Variants in MIR17HG observed in about 807,000 individuals in gnomAD.
The protein encoded by MIR17HG is MIR17 host gene (non-protein coding).
At chr13:91,348,591 C>G (rs1024016324) in intron 1 of MIR17HG, among the ~76,000 whole-genome samples, 1 of 151,074 alleles carries the variant, frequency 6.6e-6, no homozygotes, top group Non-Finnish European at 1.5e-5. Context: ...CACCCCCGCT[C>G]CGCGTGGGCT....
exon 4 of MIR17HG, chr13:91,354,339 G>A (rs1875467647): frequency 6.6e-6 from 1 of 152,112 alleles, no homozygotes; most frequent in Non-Finnish European, 1.5e-5. Context: ...GGGTCATTAG[G>A]AAAATGCACA....
intron 3 of MIR17HG, chr13:91,351,181 C>T (rs377119994): frequency 1.9e-6 from 1 of 526,768 alleles, no homozygotes; most frequent in South Asian, 1.4e-5. Flanking sequence ...TCAAACTGTC[C>T]TGTTACTGAA....
At chr13:91,348,519 C>G (rs935561658) in intron 1 of MIR17HG, among the ~76,000 whole-genome samples, 1 of 151,378 alleles carries the variant, frequency 6.6e-6, no homozygotes, top group Admixed American at 6.6e-5. Flanking sequence ...GCCCGCGGTT[C>G]CCCAAACTTT....
intron 1 of MIR17HG, among the ~76,000 whole-genome samples, chr13:91,348,438 A>G (rs1277845816): frequency 6.7e-6 from 1 of 148,442 alleles, no homozygotes; most frequent in Non-Finnish European, 1.5e-5. Flanking sequence ...CACATGGGGC[A>G]GGCCGCGGGC....
At chr13:91,354,510 A>G (rs1279331664) in exon 4 of MIR17HG, 2 of 152,206 alleles carry the variant, frequency 1.3e-5, no homozygotes, top group Non-Finnish European at 2.9e-5. Context: ...AATAAATAAA[A>G]TACTGCATTT....
intron 1 of MIR17HG, among the ~76,000 whole-genome samples, chr13:91,348,864 C>G (rs1217078425): frequency 2.7e-5 from 4 of 149,122 alleles, no homozygotes; most frequent in Non-Finnish European, 6.0e-5. Flanking sequence ...CGGCTTAGGC[C>G]TCGGGCCGCG....
rs1179168604 is a variant in MIR17HG, at chr13:91,351,029, T to C, written n.284+803T>C. 7.6e-6 allele frequency: 4 copies of C among 527,868 alleles called. No homozygotes were observed. In the Admixed American group the frequency reaches 7.8e-5, roughly 10 times the overall value. The allele number at this position is 527,868 out of a possible 1,614,324, so 32.7% of individuals were successfully genotyped here. A position where few individuals can be genotyped will look rare whatever the true frequency, so the allele number is the denominator to read the frequency against. ...TTTGTGTACTTTTATTGTGTCGATG[T>C]AGAATCTGCCTGGTCTATCTGATGT... is the stretch of plus-strand genomic sequence containing the variant. On this transcript the variant is annotated intron_variant and non_coding_transcript_variant, in intron 3 of 3. Coordinates refer to ENST00000400282, the Ensembl canonical transcript of MIR17HG.
intron 2 of MIR17HG, chr13:91,350,109 A>C (rs200710642): frequency 3.7e-5 from 6 of 161,258 alleles, no homozygotes; most frequent in Non-Finnish European, 6.9e-5. Context: ...GACTGATAAC[A>C]CTTGAAGTGT....
At chr13:91,351,072 T>A (rs774862920) in intron 3 of MIR17HG, 1 of 524,942 alleles carries the variant, frequency 1.9e-6, no homozygotes, top group Non-Finnish European at 4.0e-6. Flanking sequence ...TCTGTAGCAC[T>A]AAAGTGCTTA....
intron 1 of MIR17HG, among the ~76,000 whole-genome samples, chr13:91,349,275 G>T (rs1351420018): frequency 1.3e-5 from 2 of 152,164 alleles, no homozygotes; most frequent in African/African-American, 4.8e-5. Context: ...GAAAATTAAC[G>T]GCATGCCATC....
intron 3 of MIR17HG, chr13:91,351,408 A>C: frequency 2.0e-6 from 1 of 510,080 alleles, no homozygotes; most frequent in South Asian, 1.4e-5. Flanking sequence ...TTGTGACCAG[A>C]AGATTTTGAA....
chr13:91,351,211 T>C, intron 3 of MIR17HG: 1 of 527,650 alleles, frequency 1.9e-6, no homozygotes, highest in Non-Finnish European at 3.9e-6. Flanking sequence ...ATGGTTAGTT[T>C]TGCAGGTTTG....
At chr13:91,352,077 T>A (rs1269439311) in intron 3 of MIR17HG, 1 of 152,282 alleles carries the variant, frequency 6.6e-6, no homozygotes, top group South Asian at 2.1e-4. Context: ...TGTACACTCT[T>A]CCCAAATGCC....
chr13:91,348,925 G>A (rs865872920), intron 1 of MIR17HG, among the ~76,000 whole-genome samples: 6 of 149,322 alleles, frequency 4.0e-5, no homozygotes, highest in Admixed American at 6.6e-5. Flanking sequence ...GCCGGGCTCG[G>A]GGGGGCTGGG....
exon 4 of MIR17HG, chr13:91,354,201 T>G (rs1594016834): frequency 6.6e-6 from 1 of 152,222 alleles, no homozygotes; most frequent in African/African-American, 2.4e-5. Flanking sequence ...GGAAATAAGA[T>G]CATCATGCCC....
In MIR17HG at chr13:91,353,088, C is replaced by T. The variant is rs192690375; in HGVS notation, n.285-845C>T. On this transcript the variant is annotated intron_variant and non_coding_transcript_variant, in intron 3 of 3. Transcript: ENST00000400282. ...TCCTGCCACTGCACTCCAGCCTGGG[C>T]GCAAGACCAAGACTTAAACGCAAAA... Among the ~76,000 whole-genome samples, 6 of 125,634 alleles carry T rather than the reference C, an allele frequency of 4.8e-5. No individual in the cohort carries two copies. The East Asian group carries it at 1.2e-3, about 26-fold the overall frequency. 82.4% of individuals were successfully genotyped at this position (125,634 alleles called of 152,430 possible).
chr13:91,348,400 C>T (rs1301128460), intron 1 of MIR17HG, among the ~76,000 whole-genome samples: 1 of 150,556 alleles, frequency 6.6e-6, no homozygotes, highest in Non-Finnish European at 1.5e-5. Flanking sequence ...GTTAAAGCGC[C>T]TCCAGAACAA....
At chr13:91,353,109 C>CAAAAAAAAAAAAA (rs549062236) in intron 3 of MIR17HG, among the ~76,000 whole-genome samples, 1 of 28,858 alleles carries the variant, frequency 3.5e-5, no homozygotes, top group African/African-American at 1.3e-4. Context: ...GACTTAAACG[C>CAAAAAAAAAAAAA]AAAAAAAAAA....
At chr13:91,349,671 TTTTTTCCTTA>T (rs1271535268) in intron 1 of MIR17HG, 1 of 152,220 alleles carries the variant, frequency 6.6e-6, no homozygotes, top group Non-Finnish European at 1.5e-5. Context: ...GTTTTATCTT[TTTTTTCCTTA>T]TTTTTCCCTA....
Sources: allele counts gnomAD v4.1 joint callset (sites outside exome capture counted in the v4.1 genomes callset), GRCh38; gene constraint gnomAD v4.1.1; transcripts MANE v1.5; gene names NCBI Gene and HGNC (gene_info 2026-07-23, HGNC 2026-07-21).